The following ITFG1 variants were observed in gnomAD, a reference collection of about 807,000 sequenced individuals.
The protein encoded by ITFG1 is integrin alpha FG-GAP repeat containing 1, also known as T-cell immunomodulatory protein.
ITFG1 carries 34 observed loss-of-function variants against 81.8 expected under a neutral mutation model. That is an observed-to-expected ratio of 0.42 (90% CI 0.32 to 0.55). ITFG1 has a LOEUF of 0.55. Ranked by LOEUF, ITFG1 falls within the 20% of genes least tolerant of loss-of-function variation. ITFG1 has a pLI of 0.17. For synonymous variants in ITFG1, 285 were observed against 270.6 expected, an observed-to-expected ratio of 1.05 and a Z score of -0.52; for missense variants, 672 against 755.4, an observed-to-expected ratio of 0.89 and a Z score of 1.29.
chr16:47,387,253 A>G (rs1222832858), intron 6 of ITFG1, among the ~76,000 whole-genome samples: 4 of 152,194 alleles, frequency 2.6e-5, no homozygotes, highest in Non-Finnish European at 5.9e-5. Flanking sequence ...AAGGCTTCAC[A>G]CTACAGGGAA....
chr16:47,233,632 T>C (rs577335799), intron 13 of ITFG1, among the ~76,000 whole-genome samples: 3 of 152,330 alleles, frequency 2.0e-5, no homozygotes, highest in Non-Finnish European at 4.4e-5. Context: ...CTTAACTGAC[T>C]TGGGTTTAAC....
At chr16:47,246,353 AT>A (rs1471750383) in intron 12 of ITFG1, among the ~76,000 whole-genome samples, 2 of 143,698 alleles carry the variant, frequency 1.4e-5, no homozygotes. Flanking sequence ...ATGAAAAAAT[AT>A]GATACATATT....
intron 8 of ITFG1, among the ~76,000 whole-genome samples, chr16:47,335,844 G>C (rs1967697685): frequency 6.6e-6 from 1 of 152,092 alleles, no homozygotes; most frequent in African/African-American, 2.4e-5. Context: ...ATATTGATCT[G>C]GTATTTCCAC....
chr16:47,322,819 T>C (rs1432924835), intron 8 of ITFG1, among the ~76,000 whole-genome samples: 1 of 152,222 alleles, frequency 6.6e-6, no homozygotes, highest in Non-Finnish European at 1.5e-5. Flanking sequence ...CTCTTATCAA[T>C]TTCCAAGTAT....
intron 8 of ITFG1, among the ~76,000 whole-genome samples, chr16:47,316,221 T>G (rs1452776247): frequency 6.6e-6 from 1 of 152,234 alleles, no homozygotes; most frequent in East Asian, 1.9e-4. Flanking sequence ...TTCAGTTTTT[T>G]GTACTTTTTT....
At chr16:47,414,257 ATT>A (rs879479618) in intron 6 of ITFG1, among the ~76,000 whole-genome samples, 2 of 145,788 alleles carry the variant, frequency 1.4e-5, no homozygotes, top group African/African-American at 2.5e-5. Flanking sequence ...CCAAGGATCT[ATT>A]TTTTTTTTTT....
intron 6 of ITFG1, chr16:47,425,718 G>A (rs1969012441): frequency 1.3e-5 from 2 of 151,394 alleles, no homozygotes; most frequent in Non-Finnish European, 2.9e-5. Context: ...TCAGCTTCTT[G>A]AGTAGCTGGG....
intron 7 of ITFG1, among the ~76,000 whole-genome samples, chr16:47,373,110 T>C (rs1188858838): frequency 2.0e-5 from 3 of 152,312 alleles, no homozygotes; most frequent in African/African-American, 7.2e-5. Flanking sequence ...AACCAATTTT[T>C]CTAGTCTTAC....
intron 6 of ITFG1, among the ~76,000 whole-genome samples, chr16:47,414,978 G>C (rs1306567938): frequency 6.6e-6 from 1 of 152,122 alleles, no homozygotes; most frequent in Non-Finnish European, 1.5e-5. Flanking sequence ...CAGGCTCTAG[G>C]GACAAATTGA....
At chr16:47,431,389 A>T (rs1374242191) in intron 5 of ITFG1, among the ~76,000 whole-genome samples, 2 of 152,142 alleles carry the variant, frequency 1.3e-5, no homozygotes, top group African/African-American at 4.8e-5. Flanking sequence ...CATTCAAGGG[A>T]TCTAGGTTGT....
At chr16:47,330,705 C>T (rs114265251) in intron 8 of ITFG1, among the ~76,000 whole-genome samples, 47 of 151,878 alleles carry the variant, frequency 3.1e-4, no homozygotes, top group Non-Finnish European at 6.0e-4. Flanking sequence ...TACGAGCAGC[C>T]GACAAACATG....
intron 17 of ITFG1, among the ~76,000 whole-genome samples, chr16:47,157,815 T>G (rs1189834537): frequency 6.6e-6 from 1 of 152,198 alleles, no homozygotes; most frequent in African/African-American, 2.4e-5. Flanking sequence ...TGATGGCATG[T>G]CAATCCAGAG....
chr16:47,298,117 T>C (rs892582279), intron 10 of ITFG1, among the ~76,000 whole-genome samples: 4 of 152,218 alleles, frequency 2.6e-5, no homozygotes, highest in African/African-American at 9.6e-5. Context: ...AGCTTTCAAC[T>C]GTCTTGTTTA....
At position 47,365,827 on chromosome 16, in the gene ITFG1, T is replaced by G; in HGVS notation, c.763A>C (p.Asn255His). The G allele has an allele frequency of 6.2e-7, 1 of 1,608,434 alleles. No homozygotes were observed. Among genetic ancestry groups the G allele is most frequent in the Non-Finnish European group, 8.5e-7 (1 of 1,175,342 alleles). ...GCTGACTGTCCAACCACCATCATAT[T>G]TTGAGGTTTTTCCAATATAGTACTG... ...SVSTILEKPQ[N>H]MMVVGQSAFA... The change falls in exon 8 of 18, where the codon AAT becomes CAT. Residue 255 changes from asparagine (N) to histidine (H), a missense_variant. Asn to His is a moderately conservative substitution (Grantham distance 68). This residue lies in a region of ITFG1 where 560 missense variants were observed against 625.7 expected (regional missense o/e 0.90). Coordinates refer to ENST00000320640, the MANE Select transcript of ITFG1 (RefSeq NM_030790.5).
At chr16:47,423,499 C>T (rs1274375336) in intron 6 of ITFG1, among the ~76,000 whole-genome samples, 4 of 152,042 alleles carry the variant, frequency 2.6e-5, no homozygotes, top group East Asian at 1.9e-4. Context: ...TTATTTTGCC[C>T]GTTAATTGAT....
At position 47,322,257 on chromosome 16, in the gene ITFG1, C is replaced by T. The variant is rs115612046; in HGVS notation, c.803-8434G>A. Among the ~76,000 whole-genome samples the T allele has an allele frequency of 1.7e-3, 265 of 152,180 alleles. 2 individuals carry two copies. The highest frequency in any genetic ancestry group is 5.8e-3 in the African/African-American group (241 of 41,536). On this transcript the variant is annotated intron_variant, in intron 8 of 17. Transcript: ENST00000320640. The stretch of plus-strand genomic sequence containing the variant: ...TGCCAGTCACTGTCAGACATAGTAA[C>T]GCTGGAAAGTGTGACATGGTACCAA...
chr16:47,227,106 T>A (rs1341102161), intron 13 of ITFG1, among the ~76,000 whole-genome samples: 4 of 152,198 alleles, frequency 2.6e-5, no homozygotes, highest in African/African-American at 9.6e-5. Context: ...ATGATACAAC[T>A]GATACCTGGG....
At chr16:47,438,701 A>G in intron 5 of ITFG1, among the ~76,000 whole-genome samples, 1 of 152,216 alleles carries the variant, frequency 6.6e-6, no homozygotes, top group East Asian at 1.9e-4. Context: ...CCATCATCAA[A>G]GACCAAAGGT....
rs117016446 is a variant in ITFG1, at chr16:47,212,066, A to T, written c.1453+6802T>A. Among the ~76,000 whole-genome samples, 27 of 150,732 alleles carry T rather than the reference A, an allele frequency of 1.8e-4. No individual in the cohort carries two copies. The East Asian group carries it at 5.4e-3, about 30-fold the overall frequency. ...ATGGGCTACCATGTTTGTCCCACTA[A>T]TCATGATTTTTGTATTTATATTCAT... On this transcript the variant is annotated intron_variant, in intron 14 of 17. Coordinates refer to ENST00000320640, the MANE Select transcript of ITFG1 (RefSeq NM_030790.5).
Sources: allele counts gnomAD v4.1 joint callset (sites outside exome capture counted in the v4.1 genomes callset), GRCh38; gene constraint gnomAD v4.1.1; regional missense constraint gnomAD v4.1.1; transcripts MANE v1.5; gene names NCBI Gene and HGNC (gene_info 2026-07-23, HGNC 2026-07-21).